SUCLG1: variants seen among roughly 807,000 people sequenced by gnomAD.
The protein encoded by SUCLG1 is succinate--CoA ligase [ADP/GDP-forming] subunit alpha, mitochondrial.
A neutral mutation model predicts 37.3 loss-of-function variants in SUCLG1; 26 were observed. The ratio of observed to expected loss-of-function variants is 0.70; its 90% confidence interval spans 0.51 to 0.97. The LOEUF is 0.97. Among genes scored for constraint, SUCLG1 ranks in the 50% least tolerant of loss-of-function variants. SUCLG1 has a pLI of 0.00. For missense variants in SUCLG1, 433 were observed against 432.9 expected (o/e 1.00, Z 0.00); for synonymous variants, 163 against 155.6 (o/e 1.05, Z -0.36).
At chr2:84,425,919 GATA>G (rs1672530081) in intron 7 of SUCLG1, 3 of 372,040 alleles carry the variant, frequency 8.1e-6, no homozygotes, top group African/African-American at 2.1e-5. Flanking sequence ...TATGATTTGC[GATA>G]ATAATAATTT....
intron 6 of SUCLG1, 97 bp from the exon 7 acceptor site, chr2:84,431,756 C>A (rs1325180819): frequency 7.9e-7 from 1 of 1,266,248 alleles, no homozygotes; most frequent in Non-Finnish European, 1.1e-6. Context: ...ATTTTTCTTA[C>A]CCTTCTCTCT....
intron 1 of SUCLG1, among the ~76,000 whole-genome samples, chr2:84,456,471 T>C (rs369204590): frequency 1.3e-5 from 2 of 152,200 alleles, no homozygotes; most frequent in Non-Finnish European, 1.5e-5. Context: ...TTTTATTCCC[T>C]ATTTATTCTA....
At position 84,442,016 on chromosome 2, in the gene SUCLG1, A is replaced by G. The variant is rs1672781612; in HGVS notation, c.319-557T>C. Reference sequence around the variant, plus strand: ...GGACGTCATATGGATGAAAGGTACCAACCCTACTCATTCAAAAAGCCCTTT... The same window carrying G: ...GGACGTCATATGGATGAAAGGTACCGACCCTACTCATTCAAAAAGCCCTTT... On this transcript the variant is annotated intron_variant, in intron 3 of 8. Transcript: ENST00000393868. 2.0e-5 allele frequency among the ~76,000 whole-genome samples: 3 copies of G among 152,224 alleles called. 1 individual carries two copies. The South Asian group carries it at 6.2e-4, about 31-fold the overall frequency.
chr2:84,444,100 C>T (rs1229425107), intron 2 of SUCLG1, among the ~76,000 whole-genome samples: 1 of 152,156 alleles, frequency 6.6e-6, no homozygotes, highest in Non-Finnish European at 1.5e-5. Context: ...TAATTCCATC[C>T]AGTTAATGAC....
intron 5 of SUCLG1, among the ~76,000 whole-genome samples, chr2:84,437,833 T>C (rs892784065): frequency 1.3e-5 from 2 of 152,212 alleles, no homozygotes; most frequent in African/African-American, 4.8e-5. Context: ...AACAGGTGAA[T>C]GGTTAAACAA....
chr2:84,453,869 C>T (rs867525847), intron 1 of SUCLG1, among the ~76,000 whole-genome samples: 2 of 152,218 alleles, frequency 1.3e-5, no homozygotes, highest in Admixed American at 6.5e-5. Context: ...CTTGGGACTG[C>T]GTCCCAGGAG....
intron 2 of SUCLG1, among the ~76,000 whole-genome samples, chr2:84,444,711 T>G (rs576404303): frequency 6.6e-6 from 1 of 152,270 alleles, no homozygotes; most frequent in African/African-American, 2.4e-5. Flanking sequence ...GACTGGGGCT[T>G]ATTTCATCCC....
chr2:84,447,509 T>C (rs911835887), intron 2 of SUCLG1, among the ~76,000 whole-genome samples: 2 of 152,146 alleles, frequency 1.3e-5, no homozygotes, highest in African/African-American at 4.8e-5. Context: ...ATATAATATT[T>C]GGCAAACAGA....
chr2:84,452,585 A>T (rs1672956871), intron 1 of SUCLG1, among the ~76,000 whole-genome samples: 1 of 152,118 alleles, frequency 6.6e-6, no homozygotes, highest in African/African-American at 2.4e-5. Flanking sequence ...ATGTGGGTAT[A>T]CAATAAACAC....
intron 7 of SUCLG1, among the ~76,000 whole-genome samples, chr2:84,430,479 T>C (rs1293886926): frequency 1.3e-5 from 2 of 152,202 alleles, no homozygotes; most frequent in East Asian, 1.9e-4. Flanking sequence ...CTGAGTCATA[T>C]CTAATATGGG....
At chr2:84,449,434 T>C (rs1224433182) in intron 2 of SUCLG1, among the ~76,000 whole-genome samples, 1 of 152,160 alleles carries the variant, frequency 6.6e-6, no homozygotes, top group Non-Finnish European at 1.5e-5. Flanking sequence ...CTAGTAAGCA[T>C]ACAATATACT....
intron 8 of SUCLG1, 98 bp downstream of exon 8, chr2:84,425,317 G>T: frequency 1.4e-6 from 2 of 1,452,334 alleles, no homozygotes; most frequent in Non-Finnish European, 1.9e-6. Flanking sequence ...AACCAATTAA[G>T]TCCCAGAAGC....
intron 5 of SUCLG1, among the ~76,000 whole-genome samples, chr2:84,435,042 G>A (rs1051468980): frequency 3.9e-5 from 6 of 152,288 alleles, no homozygotes; most frequent in South Asian, 2.1e-4. Context: ...CTCACTTCAC[G>A]TGGAACTCTG....
intron 5 of SUCLG1, 51 bp from the exon 6 acceptor site, chr2:84,433,486 A>G (rs750648725): frequency 6.8e-7 from 1 of 1,473,860 alleles, no homozygotes; most frequent in Non-Finnish European, 9.5e-7. Flanking sequence ...ATGTTAGACT[A>G]AAACATGGTA....
intron 1 of SUCLG1, among the ~76,000 whole-genome samples, chr2:84,458,895 G>A (rs967543056): frequency 1.3e-5 from 2 of 152,184 alleles, no homozygotes; most frequent in Non-Finnish European, 2.9e-5. Context: ...GGGGCCGAGA[G>A]CAAGCTCCCA....
intron 5 of SUCLG1, 41 bp downstream of exon 5, chr2:84,441,006 A>T (rs1302357374): frequency 5.6e-6 from 9 of 1,598,462 alleles, no homozygotes. Context: ...GTTTAAGGCA[A>T]ATAACGTTTT....
intron 1 of SUCLG1, among the ~76,000 whole-genome samples, chr2:84,451,610 C>A (rs1244103909): frequency 6.6e-6 from 1 of 152,178 alleles, no homozygotes; most frequent in Non-Finnish European, 1.5e-5. Flanking sequence ...TTCTATGGAG[C>A]TCAAGATTTT....
chr2:84,442,574 G>A (rs377119609), intron 3 of SUCLG1, among the ~76,000 whole-genome samples: 6 of 152,124 alleles, frequency 3.9e-5, no homozygotes, highest in African/African-American at 1.2e-4. Flanking sequence ...CTGAGATTTC[G>A]AAAACACTGT....
intron 1 of SUCLG1, among the ~76,000 whole-genome samples, chr2:84,451,276 CTCATATCATA>C (rs112772303): frequency 6.6e-6 from 1 of 152,014 alleles, no homozygotes; most frequent in Admixed American, 6.5e-5. Context: ...TCAACAAATG[CTCATATCATA>C]TCATATCATA....
Sources: gnomAD v4.1 joint callset for allele counts (sites outside exome capture counted in the v4.1 genomes callset) on GRCh38, gnomAD v4.1.1 for gene constraint, MANE v1.5 for transcripts, NCBI Gene and HGNC (gene_info 2026-07-23, HGNC 2026-07-21) for gene names.